The following SBK1 variants were observed in gnomAD, a reference collection of about 807,000 sequenced individuals.
SBK1 encodes SH3 domain binding kinase 1, also known as serine/threonine-protein kinase SBK1.
In SBK1, 11 loss-of-function variants were observed where a neutral mutation model predicts 24.4. The observed-to-expected ratio is 0.45, with a 90% confidence interval of 0.28 to 0.75. The LOEUF (loss-of-function observed/expected upper bound fraction) is 0.75. Among genes scored for constraint, SBK1 ranks in the 30% least tolerant of loss-of-function variants. The pLI is 0.12. For missense variants in SBK1, 467 were observed against 620.5 expected, an observed-to-expected ratio of 0.75 and a Z score of 2.63; for synonymous variants, 308 against 284.4, an observed-to-expected ratio of 1.08 and a Z score of -0.83.
chr16:28,308,417 C>T (rs1249183429), intron 1 of SBK1, among the ~76,000 whole-genome samples: 1 of 125,480 alleles, frequency 8.0e-6, no homozygotes, highest in African/African-American at 3.0e-5. Context: ...TCCCAAATTG[C>T]TGGGATTACA....
At chr16:28,283,513 A>G (rs1330128617) in intron 1 of SBK1, among the ~76,000 whole-genome samples, 1 of 152,178 alleles carries the variant, frequency 6.6e-6, no homozygotes, top group East Asian at 1.9e-4. Context: ...ATAGAAAGAC[A>G]GCTTCTATCC....
At position 28,320,840 on chromosome 16, in the gene SBK1, GC is replaced by G. The variant is rs1596555875; in HGVS notation, c.1200del (p.Gly401AlafsTer91). 18 of 1,467,202 alleles carry G rather than the reference GC, an allele frequency of 1.2e-5. No homozygotes were observed. Among genetic ancestry groups the G allele is most frequent in the Admixed American group, 6.5e-5 (3 of 46,322 alleles). 90.9% of individuals were successfully genotyped at this position (1,467,202 alleles called of 1,614,324 possible). A position where few individuals can be genotyped will look rare whatever the true frequency, so the allele number is the denominator to read the frequency against. ...CCGAGCCCGGCCTAGCTCCCCAGGG[GC>G]CCCCCGGCCGGACCGACGGCCGCGC... ...VPEPGLAPQG[P>X]PGRTDGRADK... On this transcript the variant is annotated frameshift_variant, in exon 4 of 4. Transcript: ENST00000341901. LOFTEE classifies it high-confidence loss of function. The surrounding 1 kb of genome is among the most constrained non-coding windows in gnomAD (Gnocchi z 8.5).
intron 1 of SBK1, among the ~76,000 whole-genome samples, chr16:28,261,341 C>A (rs1315862315): frequency 1.3e-5 from 2 of 151,900 alleles, no homozygotes; most frequent in Non-Finnish European, 2.9e-5. Context: ...ACACCTGTAA[C>A]CCCAGACCTT....
At chr16:28,296,092 ATTTTTTT>A (rs35049604) in intron 1 of SBK1, among the ~76,000 whole-genome samples, 3 of 121,208 alleles carry the variant, frequency 2.5e-5, no homozygotes, top group Non-Finnish European at 3.5e-5. Flanking sequence ...CATCCAGCTA[ATTTTTTT>A]TTTTTTTTTT....
rs2044833579 is a variant in SBK1 at position 28,320,621 on chromosome 16, C to T, written c.975C>T (p.Pro325=). 38 of 1,317,016 alleles carry T rather than the reference C, an allele frequency of 2.9e-5. No individual in the cohort carries two copies. The highest frequency in any genetic ancestry group is 3.6e-5 in the Non-Finnish European group (37 of 1,033,202). The allele number at this position is 1,317,016 out of a possible 1,614,324, so 81.6% of individuals were successfully genotyped here. A position where few individuals can be genotyped will look rare whatever the true frequency, so the allele number is the denominator to read the frequency against. The stretch of plus-strand genomic sequence containing the variant: ...TCACGTCCGAGCTGCGCCGCCGGCC[C>T]TCGCACCGCGCGCGCAAGCCCCCCG... The part of the protein sequence containing the change: ...HELTSELRRR[P]SHRARKPPGD... The change falls in exon 4 of 4, where the codon CCC becomes CCT. Residue 325 remains proline, a synonymous_variant. Coordinates refer to ENST00000341901, the MANE Select transcript of SBK1 (RefSeq NM_001024401.3). This position sits in a 1 kb window ranked among gnomAD's most constrained non-coding sequence, Gnocchi z 8.5.
At chr16:28,287,145 A>T (rs1031818753) in intron 1 of SBK1, 2 of 150,292 alleles carry the variant, frequency 1.3e-5, no homozygotes, top group South Asian at 2.1e-4. Context: ...AAATTAAATT[A>T]AAAAAAGAAA....
At chr16:28,288,689 C>T (rs2044581277), upstream of SBK1, among the ~76,000 whole-genome samples, 1 of 152,188 alleles carries the variant, frequency 6.6e-6, no homozygotes, top group Admixed American at 6.5e-5. Context: ...CACTGGATTC[C>T]CATATATTCC....
At chr16:28,280,062 A>G (rs1194751469) in intron 1 of SBK1, among the ~76,000 whole-genome samples, 1 of 139,364 alleles carries the variant, frequency 7.2e-6, no homozygotes, top group Non-Finnish European at 1.5e-5. Flanking sequence ...GCTCACTGAA[A>G]CCTCAAACTC....
At chr16:28,318,183 C>T (rs935604966) in intron 2 of SBK1, among the ~76,000 whole-genome samples, 9 of 152,180 alleles carry the variant, frequency 5.9e-5, no homozygotes, top group Non-Finnish European at 8.8e-5. Context: ...TCTCCAGAGC[C>T]TTGTCGCTTA....
intron 1 of SBK1, among the ~76,000 whole-genome samples, chr16:28,308,741 GT>G (rs1197569368): frequency 2.9e-3 from 93 of 32,250 alleles, no homozygotes; most frequent in Middle Eastern, 0.021. Flanking sequence ...GTTCTTTGGG[GT>G]GTGTGTGTGT....
chr16:28,298,069 G>C (rs2044653166), intron 1 of SBK1, among the ~76,000 whole-genome samples: 1 of 152,206 alleles, frequency 6.6e-6, no homozygotes, highest in African/African-American at 2.4e-5. Context: ...GCCCCAGAAG[G>C]ATGGGCCCCA....
intron 1 of SBK1, among the ~76,000 whole-genome samples, chr16:28,278,482 C>T (rs2044509115): frequency 6.6e-6 from 1 of 152,248 alleles, no homozygotes; most frequent in Non-Finnish European, 1.5e-5. Flanking sequence ...GCTGGGACTA[C>T]AGGCAGGTGT....
chr16:28,316,377 TA>T (rs1270639975), intron 1 of SBK1, among the ~76,000 whole-genome samples: 1 of 152,164 alleles, frequency 6.6e-6, no homozygotes, highest in Non-Finnish European at 1.5e-5. Flanking sequence ...CCCTGGGGTG[TA>T]AGCCCCATGG....
chr16:28,303,518 T>C (rs1051729090), intron 1 of SBK1, among the ~76,000 whole-genome samples: 28 of 133,124 alleles, frequency 2.1e-4, no homozygotes, highest in African/African-American at 7.6e-4. Flanking sequence ...TTTTTTTTTT[T>C]TTTTTTTTTT....
intron 1 of SBK1, among the ~76,000 whole-genome samples, chr16:28,304,219 A>G (rs2044699681): frequency 1.3e-5 from 2 of 152,190 alleles, no homozygotes; most frequent in African/African-American, 4.8e-5. Flanking sequence ...ATGCCTTTCC[A>G]GCGCTGGGGG....
intron 1 of SBK1, among the ~76,000 whole-genome samples, chr16:28,306,869 G>C (rs1296760946): frequency 6.6e-6 from 1 of 152,228 alleles, no homozygotes; most frequent in East Asian, 1.9e-4. Flanking sequence ...TAGGCACATA[G>C]CTATTTTCCC....
intron 1 of SBK1, among the ~76,000 whole-genome samples, chr16:28,283,441 C>T (rs1163302740): frequency 1.3e-5 from 2 of 152,182 alleles, no homozygotes; most frequent in Non-Finnish European, 2.9e-5. Context: ...TGGCCTCCTC[C>T]TCTGAGGGGT....
In SBK1 at chr16:28,320,609, G is replaced by A; in HGVS notation, c.963G>A (p.Leu321=). 7.1e-7 allele frequency: 1 copy of A among 1,416,794 alleles called. No individual in the cohort carries two copies. Among genetic ancestry groups the A allele is most frequent in the Non-Finnish European group, 9.2e-7 (1 of 1,087,748 alleles). The allele number at this position is 1,416,794 out of a possible 1,614,324, so 87.8% of individuals were successfully genotyped here. ...RFLKHELTSE[L]RRRPSHRARK... Reference sequence around the variant, plus strand: ...TCAAGCACGAGCTCACGTCCGAGCTGCGCCGCCGGCCCTCGCACCGCGCGC... The same window carrying A: ...TCAAGCACGAGCTCACGTCCGAGCTACGCCGCCGGCCCTCGCACCGCGCGC... The change falls in exon 4 of 4, where the codon CTG becomes CTA. Residue 321 remains leucine, a synonymous_variant. Transcript: ENST00000341901. The surrounding 1 kb of genome is among the most constrained non-coding windows in gnomAD (Gnocchi z 8.5).
rs376731367 is a variant in SBK1 at position 28,266,733 on chromosome 16, CTTT to C, written c.257+7244_257+7246del. Among the ~76,000 whole-genome samples the C allele has an allele frequency of 1.9e-3, 266 of 137,666 alleles. 2 individuals carry two copies. The South Asian group carries it at 0.03, about 15-fold the overall frequency. 90.3% of individuals were successfully genotyped at this position (137,666 alleles called of 152,430 possible). On this transcript the variant is annotated intron_variant, in intron 1 of 3. Transcript: ENST00000671413. ...ATCACATCACTTTCTTTTTTCTTTT[CTTT>C]TTTTTTTTTTTTAAAAAAAAAACAA...
Sources: gnomAD v4.1 joint callset for allele counts (sites outside exome capture counted in the v4.1 genomes callset) on GRCh38, gnomAD v4.1.1 for gene constraint, Gnocchi (gnomAD v3.1) non-coding constraint, MANE v1.5 for transcripts, NCBI Gene and HGNC (gene_info 2026-07-23, HGNC 2026-07-21) for gene names.